The following MADD variants were observed in gnomAD, a reference collection of about 807,000 sequenced individuals.
MADD encodes MAP kinase activating death domain.
In MADD, 109 loss-of-function variants were observed where a neutral mutation model predicts 176.7. That is an observed-to-expected ratio of 0.62 (90% CI 0.53 to 0.72). The LOEUF (loss-of-function observed/expected upper bound fraction) is 0.72. MADD is among the 30% of genes least tolerant of loss of function. MADD has a pLI of 0.00. For missense variants in MADD, 1,914 were observed against 2,045.5 expected (o/e 0.94, Z 1.24); for synonymous variants, 771 against 771.3 (o/e 1.00, Z 0.01).
At chr11:47,299,155 CT>C (rs1285705081) in intron 22 of MADD, among the ~76,000 whole-genome samples, 1 of 151,920 alleles carries the variant, frequency 6.6e-6, no homozygotes, top group Non-Finnish European at 1.5e-5. Context: ...TATCTGGGGT[CT>C]TTTGTGGTTC....
At chr11:47,275,025 G>A (rs1206262924) in exon 3 of MADD, 3 of 1,614,224 alleles carry the variant, frequency 1.9e-6, no homozygotes, top group Non-Finnish European at 2.5e-6. Flanking sequence ...GTACTCTCAC[G>A]TCCCTGTGCG....
At chr11:47,285,016 A>G in exon 13 of MADD, 1 of 1,614,152 alleles carries the variant, frequency 6.2e-7, no homozygotes, top group Non-Finnish European at 8.5e-7. Flanking sequence ...CGTGCCTCCC[A>G]GCATTGGCAA....
intron 2 of MADD, 32 bp downstream of exon 2, chr11:47,274,008 T>C: frequency 6.3e-7 from 1 of 1,595,472 alleles, no homozygotes; most frequent in East Asian, 2.2e-5. Context: ...TTTGTCTTAA[T>C]ATCTGGGATA....
chr11:47,327,645 T>C, intron 31 of MADD: 2 of 985,348 alleles, frequency 2.0e-6, no homozygotes, highest in Non-Finnish European at 1.2e-6. Flanking sequence ...TTCTCTCTTC[T>C]GTCAGAGAGA....
intron 1 of MADD, among the ~76,000 whole-genome samples, chr11:47,273,024 C>A (rs573054616): frequency 8.5e-5 from 13 of 152,282 alleles, no homozygotes; most frequent in Non-Finnish European, 1.5e-4. Context: ...GGTAGAATAG[C>A]CAGCTGTTAT....
intron 23 of MADD, 128 bp from the exon 26 acceptor site, chr11:47,308,852 G>C: frequency 9.5e-7 from 1 of 1,058,024 alleles, no homozygotes; most frequent in Non-Finnish European, 1.4e-6. Context: ...GACTTACTGG[G>C]TCCAGAACAA....
At chr11:47,283,442 C>T (rs867907646) in intron 10 of MADD, among the ~76,000 whole-genome samples, 22 of 152,028 alleles carry the variant, frequency 1.4e-4, no homozygotes, top group South Asian at 6.2e-4. Flanking sequence ...TGCTCTGTCA[C>T]GCGGTCTGGA....
chr11:47,317,342 G>C (rs952960498), intron 27 of MADD, among the ~76,000 whole-genome samples: 4 of 152,170 alleles, frequency 2.6e-5, no homozygotes, highest in Admixed American at 1.3e-4. Flanking sequence ...CCAGAAATGA[G>C]ATTGCTGGGT....
At chr11:47,271,310 G>C (rs1591427075) in intron 1 of MADD, among the ~76,000 whole-genome samples, 1 of 152,184 alleles carries the variant, frequency 6.6e-6, no homozygotes, top group African/African-American at 2.4e-5. Context: ...TTTTTGGGGA[G>C]GGGAGAGAGG....
intron 15 of MADD, chr11:47,289,022 G>C: frequency 6.3e-7 from 1 of 1,593,522 alleles, no homozygotes; most frequent in Non-Finnish European, 8.5e-7. Context: ...CCCGGGAGTG[G>C]TGAAGGTGGG....
intron 22 of MADD, among the ~76,000 whole-genome samples, chr11:47,305,158 G>A (rs1320940119): frequency 3.3e-5 from 5 of 152,158 alleles, no homozygotes; most frequent in Admixed American, 3.3e-4. Flanking sequence ...GAGTGACTCA[G>A]CCAAGAGAAT....
intron 22 of MADD, among the ~76,000 whole-genome samples, chr11:47,302,166 T>C (rs2078245794): frequency 6.6e-6 from 1 of 152,194 alleles, no homozygotes; most frequent in Admixed American, 6.6e-5. Flanking sequence ...TTGCAATTGT[T>C]ATATCCTCTT....
chr11:47,272,565 G>A (rs1008584075), intron 1 of MADD, among the ~76,000 whole-genome samples: 1 of 152,114 alleles, frequency 6.6e-6, no homozygotes, highest in Non-Finnish European at 1.5e-5. Context: ...TAGAATCCTG[G>A]AACACTAGAA....
chr11:47,324,123 A>AATAAGACATC (rs1412838790), intron 28 of MADD, 142 bp from the exon 32 acceptor site: 13 of 726,344 alleles, frequency 1.8e-5, no homozygotes, highest in Middle Eastern at 3.1e-4. Context: ...CTCAACAATG[A>AATAAGACATC]ATAAGACATC....
chr11:47,278,141 T>C (rs756055960), intron 5 of MADD, 24 bp from the exon 6 acceptor site: 4 of 1,517,362 alleles, frequency 2.6e-6, no homozygotes, highest in Non-Finnish European at 3.7e-6. Flanking sequence ...TCTTTGTTTC[T>C]CACCTTCTTT....
intron 23 of MADD, 87 bp downstream of exon 26, chr11:47,309,129 G>A (rs563740934): frequency 6.4e-7 from 1 of 1,556,574 alleles, no homozygotes; most frequent in African/African-American, 1.4e-5. Flanking sequence ...GCTGGTGGCA[G>A]GCATGTTAGA....
At chr11:47,308,679 A>G in exon 23 of MADD, 1 of 1,613,842 alleles carries the variant, frequency 6.2e-7, no homozygotes, top group African/African-American at 1.3e-5. Context: ...CAGCGAGTCT[A>G]TCTCTATGAG....
chr11:47,328,611 T>C (rs1480379553), intron 31 of MADD, 47 bp from the exon 36 acceptor site: 3 of 1,613,714 alleles, frequency 1.9e-6, no homozygotes, highest in South Asian at 2.2e-5. Context: ...GCACGATTGC[T>C]CTTAGTGTTG....
intron 22 of MADD, among the ~76,000 whole-genome samples, chr11:47,301,059 T>C (rs2077379609): frequency 6.6e-6 from 1 of 151,534 alleles, no homozygotes; most frequent in African/African-American, 2.4e-5. Flanking sequence ...CTAGCTCTAA[T>C]GGTTTGTGGA....
Sources: gnomAD v4.1 joint callset for allele counts (sites outside exome capture counted in the v4.1 genomes callset) on GRCh38, gnomAD v4.1.1 for gene constraint, MANE v1.5 for transcripts, NCBI Gene and HGNC (gene_info 2026-07-23, HGNC 2026-07-21) for gene names.